Variants in MAGT1 observed in about 807,000 individuals in gnomAD.
MAGT1 encodes magnesium transporter 1.
MAGT1 carries 4 observed loss-of-function variants against 28.4 expected under a neutral mutation model. The ratio of observed to expected loss-of-function variants is 0.14; its 90% CI spans 0.07 to 0.32. The LOEUF (loss-of-function observed/expected upper bound fraction) is 0.32. Ranked by LOEUF, MAGT1 falls within the 10% of genes least tolerant of loss-of-function variation. The pLI is 1.00. For missense variants in MAGT1, 193 were observed against 264.5 expected, an observed-to-expected ratio of 0.73 and a Z score of 1.88; for synonymous variants, 89 against 89.7, an observed-to-expected ratio of 0.99 and a Z score of 0.04.
intron 1 of MAGT1, among the ~76,000 whole-genome samples, chrX:77,877,934 G>A (rs1173815537): frequency 2.7e-5 from 3 of 109,913 alleles, no homozygotes; most frequent in African/African-American, 9.9e-5. Flanking sequence ...TACATCACTG[G>A]TGGGAATGTA....
chrX:77,870,328 A>C (rs1258582931), intron 3 of MAGT1, among the ~76,000 whole-genome samples: 1 of 110,642 alleles, frequency 9.0e-6, no homozygotes, highest in Non-Finnish European at 1.9e-5. Context: ...GGATGGGTGT[A>C]CCAAAATCCA....
intron 8 of MAGT1, among the ~76,000 whole-genome samples, chrX:77,834,270 G>A (rs868967460): frequency 1.3e-5 from 1 of 77,019 alleles, no homozygotes; most frequent in African/African-American, 4.2e-5. Flanking sequence ...GTGTATATAT[G>A]CATATATGTA....
Position 77,845,758 on chromosome X carries a change from T to G in MAGT1, c.827-4438A>C, listed in dbSNP as rs782761562. Among the ~76,000 whole-genome samples the G allele has an allele frequency of 2.4e-3, 268 of 111,867 alleles. 2 individuals are homozygous for G. The highest frequency in any genetic ancestry group is 4.4e-3 in the Non-Finnish European group (236 of 53,187). On this transcript the variant is annotated intron_variant, in intron 7 of 9. Coordinates refer to ENST00000618282, the MANE Select transcript of MAGT1 (RefSeq NM_001367916.1). ...AATTCTTTTCTTTAAGAATGTTGAATTTGGCCCCCACTCTCTTCTGGCTTG... is the reference window on the plus strand; with the variant it reads ...AATTCTTTTCTTTAAGAATGTTGAAGTTGGCCCCCACTCTCTTCTGGCTTG...
intron 3 of MAGT1, chrX:77,868,704 C>T: frequency 3.5e-6 from 1 of 281,743 alleles, no homozygotes; most frequent in South Asian, 3.5e-5. Flanking sequence ...CCTGTAATCC[C>T]AGCTACTTGG....
intron 3 of MAGT1, among the ~76,000 whole-genome samples, chrX:77,863,440 G>A (rs1395624177): frequency 1.9e-5 from 2 of 105,544 alleles, no homozygotes; most frequent in Non-Finnish European, 3.9e-5. Flanking sequence ...GCGTGAACCC[G>A]GGAGGCGGAG....
intron 7 of MAGT1, among the ~76,000 whole-genome samples, chrX:77,851,469 G>T (rs1026188644): frequency 9.0e-6 from 1 of 111,132 alleles, no homozygotes; most frequent in Admixed American, 9.6e-5. Flanking sequence ...TGCCTCCCAG[G>T]TTCAAGCAAT....
At chrX:77,890,114 TC>T (rs1348425784) in intron 1 of MAGT1, among the ~76,000 whole-genome samples, 1 of 112,670 alleles carries the variant, frequency 8.9e-6, no homozygotes, top group Non-Finnish European at 1.9e-5. Flanking sequence ...AGGATCTCAT[TC>T]TTTTTTATGG....
In MAGT1 at chrX:77,879,447, T is replaced by G. The variant is rs782222143; in HGVS notation, c.103-3850A>C. Among the ~76,000 whole-genome samples, 7 of 112,324 alleles carry G rather than the reference T, an allele frequency of 6.2e-5. No homozygotes were observed. In the South Asian group the frequency reaches 2.6e-3, roughly 41 times the overall value. On this transcript the variant is annotated intron_variant, in intron 1 of 9. Coordinates refer to ENST00000618282, the MANE Select transcript of MAGT1 (RefSeq NM_001367916.1). Reference sequence around the variant, plus strand: ...AATCTCAATGTAGAGTTAATGCTAATTTATGATTTTGCTCATCTTTATAGA... The same window carrying G: ...AATCTCAATGTAGAGTTAATGCTAAGTTATGATTTTGCTCATCTTTATAGA...
chrX:77,881,021 C>A (rs1200542874), intron 1 of MAGT1, among the ~76,000 whole-genome samples: 3 of 104,457 alleles, frequency 2.9e-5, no homozygotes, highest in African/African-American at 7.0e-5. Context: ...AACAAGACTG[C>A]GGAACAATGA....
chrX:77,845,933 G>A (rs968239116), intron 7 of MAGT1, among the ~76,000 whole-genome samples: 24 of 110,937 alleles, frequency 2.2e-4, no homozygotes, highest in Non-Finnish European at 9.4e-5. Flanking sequence ...TCTTCTCGAG[G>A]AATATCTTTG....
chrX:77,864,592 G>T (rs2077003695), intron 3 of MAGT1, among the ~76,000 whole-genome samples: 1 of 111,032 alleles, frequency 9.0e-6, no homozygotes, highest in African/African-American at 3.3e-5. Flanking sequence ...AAAAAAATGG[G>T]TTTTCTATTT....
intron 3 of MAGT1, among the ~76,000 whole-genome samples, chrX:77,860,134 G>T (rs941661915): frequency 2.3e-4 from 26 of 111,694 alleles, no homozygotes; most frequent in African/African-American, 8.5e-4. Flanking sequence ...GTCCAGGCTG[G>T]AGTGCGTTGG....
upstream of MAGT1, chrX:77,895,527 G>A (rs782295609): frequency 8.7e-7 from 1 of 1,144,819 alleles, no homozygotes; most frequent in African/African-American, 1.8e-5. Context: ...CAGCCCTGCC[G>A]GGAGACCCCT....
chrX:77,879,835 C>CTCT (rs1557218237), intron 1 of MAGT1, among the ~76,000 whole-genome samples: 1 of 73,183 alleles, frequency 1.4e-5, no homozygotes, highest in Non-Finnish European at 2.5e-5. Flanking sequence ...CATGATTTGC[C>CTCT]TTTTTTTTTT....
Position 77,829,001 on chromosome X carries a change from A to C in MAGT1, c.*219T>G, listed in dbSNP as rs1427612911. On this transcript the variant is annotated 3_prime_UTR_variant, in exon 10 of 10. Coordinates refer to ENST00000618282, the MANE Select transcript of MAGT1 (RefSeq NM_001367916.1). ...GTTCCATAAAGTTCACTGGGAAGAGAAGGTTAAGAGGATAATTATTTTCAA... is the reference window on the plus strand; with the variant it reads ...GTTCCATAAAGTTCACTGGGAAGAGCAGGTTAAGAGGATAATTATTTTCAA... 5.5e-6 allele frequency: 2 copies of C among 362,710 alleles called. No homozygotes were observed. The highest frequency in any genetic ancestry group is 5.2e-5 in the African/African-American group (2 of 38,761). 29.9% of individuals were successfully genotyped at this position (362,710 alleles called of 1,213,427 possible). A position where few individuals can be genotyped will look rare whatever the true frequency, so the allele number is the denominator to read the frequency against.
In MAGT1 at chrX:77,857,393, C is replaced by T; in HGVS notation, c.495G>A (p.Gln165=). The T allele has an allele frequency of 8.3e-7, 1 of 1,211,903 alleles. No individual in the cohort carries two copies. The highest frequency in any genetic ancestry group is 1.1e-6 in the Non-Finnish European group (1 of 895,575). Residue 165 remains glutamine, a synonymous_variant, in exon 4 of 10, where the codon CAG becomes CAA. Transcript: ENST00000618282. ...ELQVRGFSAE[Q]IARWIADRTD... The stretch of plus-strand genomic sequence containing the variant: ...TTCTGTCGGCGATCCACCGGGCAAT[C>T]TGCTCAGCTGAAAAACCCCGCACCT...
chrX:77,841,306 A>C lies in MAGT1; in HGVS notation c.841T>G (p.Leu281Val). ...GCTTCACATAAAAGCACCATTCCTA[A>C]GGTAACTCCACCATCTAAGAAAAAT... is the stretch of plus-strand genomic sequence containing the variant. ...IVLLFNGGVT[L>V]GMVLLCEAAT... Residue 281 changes from leucine (L) to valine (V), a missense_variant, in exon 8 of 10, where the codon TTA (leucine) becomes GTA (valine). Leu to Val is a conservative substitution (Grantham distance 32). Coordinates refer to ENST00000618282, the MANE Select transcript of MAGT1 (RefSeq NM_001367916.1). 1 of 1,196,192 alleles carries C rather than the reference A, an allele frequency of 8.4e-7. No individual in the cohort carries two copies. Among genetic ancestry groups the C allele is most frequent in the Non-Finnish European group, 1.1e-6 (1 of 881,449 alleles).
At chrX:77,835,482 G>A (rs896524618) in intron 8 of MAGT1, among the ~76,000 whole-genome samples, 6 of 111,729 alleles carry the variant, frequency 5.4e-5, no homozygotes, top group Admixed American at 9.6e-5. Context: ...GTTGTACACT[G>A]TTGGGGGGAA....
chrX:77,853,578 CTTTG>C (rs2076974100), intron 7 of MAGT1, among the ~76,000 whole-genome samples: 1 of 112,073 alleles, frequency 8.9e-6, no homozygotes, highest in Admixed American at 9.6e-5. Context: ...CAAAACAATG[CTTTG>C]TTTAAATTTC....
Sources: allele counts gnomAD v4.1 joint callset (sites outside exome capture counted in the v4.1 genomes callset), GRCh38; gene constraint gnomAD v4.1.1; transcripts MANE v1.5; gene names NCBI Gene and HGNC (gene_info 2026-07-23, HGNC 2026-07-21).